The following LCLAT1 variants were observed in gnomAD, a reference collection of about 807,000 sequenced individuals.
LCLAT1 encodes 1-AGP acyltransferase 8.
LCLAT1 carries 11 observed loss-of-function variants against 30.7 expected under a neutral mutation model. That is an observed-to-expected ratio of 0.36 (90% confidence interval 0.23 to 0.59). The LOEUF is 0.59. Among genes scored for constraint, LCLAT1 ranks in the 20% least tolerant of loss-of-function variants. LCLAT1 has a pLI of 0.77. For synonymous variants in LCLAT1, 155 were observed against 151.3 expected (o/e 1.02, Z -0.18); for missense variants, 402 against 458.6 (o/e 0.88, Z 1.13).
rs373604169 is a variant in LCLAT1, at chr2:30,488,618, G to A, written c.-4-36969G>A. The stretch of plus-strand genomic sequence containing the variant: ...TATTGTCTCTTAGATATTCTCTTTC[G>A]TTTTTTCCTCTGGAAATAAGTTTTA... On this transcript the variant is annotated intron_variant, in intron 1 of 5. Coordinates refer to ENST00000379509, the MANE Select transcript of LCLAT1 (RefSeq NM_001002257.3). 5.9e-5 allele frequency among the ~76,000 whole-genome samples: 9 copies of A among 152,192 alleles called. No individual in the cohort carries two copies. In the East Asian group the frequency reaches 9.6e-4, roughly 16 times the overall value.
At chr2:30,519,065 G>T (rs1416930026) in intron 1 of LCLAT1, among the ~76,000 whole-genome samples, 1 of 152,172 alleles carries the variant, frequency 6.6e-6, no homozygotes, top group Non-Finnish European at 1.5e-5. Context: ...CTCACAGCAG[G>T]TTAAATACTT....
At chr2:30,479,364 G>A (rs961763740) in intron 1 of LCLAT1, among the ~76,000 whole-genome samples, 1 of 151,924 alleles carries the variant, frequency 6.6e-6, no homozygotes, top group Non-Finnish European at 1.5e-5. Flanking sequence ...CAAGTAGTTG[G>A]GACCACAGGC....
intron 3 of LCLAT1, among the ~76,000 whole-genome samples, chr2:30,539,735 G>C (rs140769299): frequency 5.8e-4 from 89 of 152,244 alleles, no homozygotes; most frequent in African/African-American, 1.9e-3. Flanking sequence ...ATAATTTCAG[G>C]AGAAGGAAAA....
chr2:30,567,824 T>C (rs1367249969), intron 4 of LCLAT1, among the ~76,000 whole-genome samples: 1 of 152,232 alleles, frequency 6.6e-6, no homozygotes, highest in Non-Finnish European at 1.5e-5. Context: ...AAACTTGGCC[T>C]CTTGTGTTTG....
At chr2:30,597,505 CTT>C (rs1269040031) in intron 5 of LCLAT1, among the ~76,000 whole-genome samples, 1 of 152,176 alleles carries the variant, frequency 6.6e-6, no homozygotes, top group Non-Finnish European at 1.5e-5. Context: ...CATCCTGAGA[CTT>C]TGCTGAAGTT....
intron 1 of LCLAT1, among the ~76,000 whole-genome samples, chr2:30,505,492 A>T (rs1684615777): frequency 6.6e-6 from 1 of 152,288 alleles, no homozygotes; most frequent in Non-Finnish European, 1.5e-5. Flanking sequence ...TAGATGATTT[A>T]TAAAATATTC....
intron 5 of LCLAT1, among the ~76,000 whole-genome samples, chr2:30,620,761 G>A (rs1668206590): frequency 6.6e-6 from 1 of 152,016 alleles, no homozygotes; most frequent in Non-Finnish European, 1.5e-5. Flanking sequence ...CACAAACTTC[G>A]TGGCTTAAAA....
At chr2:30,617,370 C>T (rs1668041707) in intron 5 of LCLAT1, among the ~76,000 whole-genome samples, 2 of 152,082 alleles carry the variant, frequency 1.3e-5, no homozygotes, top group Non-Finnish European at 2.9e-5. Flanking sequence ...GTAGTTTATT[C>T]CTTTTTATTG....
At chr2:30,586,572 G>A (rs1257653106) in intron 5 of LCLAT1, among the ~76,000 whole-genome samples, 1 of 152,194 alleles carries the variant, frequency 6.6e-6, no homozygotes. Flanking sequence ...CTTTGCAGAT[G>A]TAAAGTCACA....
chr2:30,495,230 T>C (rs1379848644), intron 1 of LCLAT1, among the ~76,000 whole-genome samples: 1 of 152,202 alleles, frequency 6.6e-6, no homozygotes, highest in Non-Finnish European at 1.5e-5. Context: ...CAAATCATTA[T>C]GTACATTCTG....
chr2:30,615,221 G>T (rs1667938679), intron 5 of LCLAT1, among the ~76,000 whole-genome samples: 1 of 152,096 alleles, frequency 6.6e-6, no homozygotes, highest in South Asian at 2.1e-4. Context: ...TCCTGAGTAG[G>T]CAAGAGCAGG....
intron 3 of LCLAT1, among the ~76,000 whole-genome samples, chr2:30,556,934 G>A (rs1294198247): frequency 6.6e-6 from 1 of 151,810 alleles, no homozygotes; most frequent in South Asian, 2.1e-4. Context: ...AGTAGAGATG[G>A]GGTTTCTCCA....
intron 5 of LCLAT1, among the ~76,000 whole-genome samples, chr2:30,622,167 G>A (rs1476768956): frequency 6.6e-6 from 1 of 152,094 alleles, no homozygotes. Context: ...GTGTGACACA[G>A]CAGAGGCAGC....
At chr2:30,506,404 T>G (rs1482818491) in intron 1 of LCLAT1, among the ~76,000 whole-genome samples, 4 of 152,068 alleles carry the variant, frequency 2.6e-5, no homozygotes, top group Non-Finnish European at 5.9e-5. Context: ...ATAGAGACAG[T>G]GTTTTAAAAT....
At chr2:30,595,939 G>A (rs571365285) in intron 5 of LCLAT1, among the ~76,000 whole-genome samples, 20 of 152,238 alleles carry the variant, frequency 1.3e-4, no homozygotes, top group African/African-American at 2.9e-4. Flanking sequence ...ATGGCTTCCA[G>A]CTGTATCCAT....
At chr2:30,517,866 C>T (rs1420125578) in intron 1 of LCLAT1, among the ~76,000 whole-genome samples, 4 of 152,128 alleles carry the variant, frequency 2.6e-5, no homozygotes, top group Non-Finnish European at 5.9e-5. Flanking sequence ...AATTGAAGAT[C>T]CTCTCCGTGA....
intron 5 of LCLAT1, among the ~76,000 whole-genome samples, chr2:30,620,681 A>G (rs1319571694): frequency 2.0e-5 from 3 of 152,234 alleles, no homozygotes; most frequent in Admixed American, 6.5e-5. Flanking sequence ...AAGACTACGA[A>G]AAAAGCAATC....
At position 30,642,614 on chromosome 2, in the gene LCLAT1, A is replaced by G. The variant is rs1669378219; in HGVS notation, c.*1995A>G. 1 of 151,996 alleles carries G rather than the reference A, an allele frequency of 6.6e-6. No homozygotes were observed. The allele number at this position is 151,996 out of a possible 1,614,324, so 9.4% of individuals were successfully genotyped here. A position where few individuals can be genotyped will look rare whatever the true frequency, so the allele number is the denominator to read the frequency against. On this transcript the variant is annotated 3_prime_UTR_variant, in exon 6 of 6. Coordinates refer to ENST00000379509, the MANE Select transcript of LCLAT1 (RefSeq NM_001002257.3). Reference sequence around the variant, plus strand: ...AATGGAGCCGGTCTGCCCTTCCTACAAACTCAAGAGGCTCATTGTTCAAGG... The same window carrying G: ...AATGGAGCCGGTCTGCCCTTCCTACGAACTCAAGAGGCTCATTGTTCAAGG...
At chr2:30,617,395 A>G (rs1297848596) in intron 5 of LCLAT1, among the ~76,000 whole-genome samples, 1 of 152,132 alleles carries the variant, frequency 6.6e-6, no homozygotes, top group Admixed American at 6.6e-5. Context: ...TTGGTATTGC[A>G]TTGTGTGGAA....
Sources: allele counts gnomAD v4.1 joint callset (sites outside exome capture counted in the v4.1 genomes callset), GRCh38; gene constraint gnomAD v4.1.1; transcripts MANE v1.5; gene names NCBI Gene and HGNC (gene_info 2026-07-23, HGNC 2026-07-21).